MTA3: variants seen among roughly 807,000 people sequenced by gnomAD.
MTA3 encodes metastasis associated 1 family member 3, also known as metastasis-associated protein MTA3.
A neutral mutation model predicts 83.5 loss-of-function variants in MTA3; 34 were observed. That is an observed-to-expected ratio of 0.41 (90% confidence interval 0.31 to 0.54). The LOEUF (loss-of-function observed/expected upper bound fraction) is 0.54. MTA3 is among the 20% of genes least tolerant of loss of function. MTA3 has a pLI of 0.33. For missense variants in MTA3, 761 were observed against 726.4 expected (o/e 1.05, Z -0.55); for synonymous variants, 303 against 252.7 (o/e 1.20, Z -1.89).
At chr2:42,676,236 T>C (rs1691343261) in intron 8 of MTA3, among the ~76,000 whole-genome samples, 1 of 152,352 alleles carries the variant, frequency 6.6e-6, no homozygotes, top group Admixed American at 6.5e-5. Flanking sequence ...ACAATGAATA[T>C]AATCATTTTT....
At chr2:42,722,634 T>C (rs966155591) in intron 15 of MTA3, among the ~76,000 whole-genome samples, 4 of 152,054 alleles carry the variant, frequency 2.6e-5, no homozygotes, top group African/African-American at 9.7e-5. Flanking sequence ...TGAAGTGGCT[T>C]TTTGTTTTGT....
chr2:42,621,488 C>T (rs1334294175), intron 4 of MTA3, among the ~76,000 whole-genome samples: 1 of 152,220 alleles, frequency 6.6e-6, no homozygotes, highest in Non-Finnish European at 1.5e-5. Context: ...CAGAACAATT[C>T]TTCTTAGTAC....
intron 2 of MTA3, among the ~76,000 whole-genome samples, chr2:42,500,483 G>A (rs1407733526): frequency 6.6e-6 from 1 of 152,004 alleles, no homozygotes; most frequent in Non-Finnish European, 1.5e-5. Context: ...GCTTAAACCT[G>A]GGAGGTGGAT....
intron 16 of MTA3, among the ~76,000 whole-genome samples, chr2:42,731,611 A>G (rs1262175439): frequency 3.3e-5 from 5 of 152,100 alleles, no homozygotes; most frequent in South Asian, 2.1e-4. Flanking sequence ...CCCACAACAC[A>G]TGGGAATTCT....
intron 3 of MTA3, among the ~76,000 whole-genome samples, chr2:42,600,505 T>C (rs939482711): frequency 6.6e-6 from 1 of 151,800 alleles, no homozygotes; most frequent in East Asian, 1.9e-4. Context: ...TTATTAATTT[T>C]TTTTTTTTTT....
chr2:42,548,815 A>ATATATATATATAT (rs1676886652), intron 2 of MTA3, among the ~76,000 whole-genome samples: 4 of 40,736 alleles, frequency 9.8e-5, no homozygotes, highest in Admixed American at 8.5e-4. Flanking sequence ...AAAAAAATAT[A>ATATATATATATAT]TATATATATA....
At chr2:42,657,066 A>G (rs904534162) in intron 7 of MTA3, among the ~76,000 whole-genome samples, 2 of 152,202 alleles carry the variant, frequency 1.3e-5, no homozygotes, top group Non-Finnish European at 2.9e-5. Flanking sequence ...ATGGGTATAT[A>G]TAGTATATAT....
chr2:42,685,845 C>T (rs1692323185), intron 9 of MTA3, among the ~76,000 whole-genome samples: 1 of 151,348 alleles, frequency 6.6e-6, no homozygotes. Flanking sequence ...ATTATCATCC[C>T]CTCTTTCCCT....
Position 42,756,637 on chromosome 2 carries a change from G to C in MTA3, c.*3238G>C, listed in dbSNP as rs1261512155. On this transcript the variant is annotated 3_prime_UTR_variant, in exon 17 of 17. Transcript: ENST00000405094. ...AGGAAACGGCTTTGGGGAGGGAGGGGGAAGCCTTTATTCTTTACTGTTGTC... is the reference window on the plus strand; with the variant it reads ...AGGAAACGGCTTTGGGGAGGGAGGGCGAAGCCTTTATTCTTTACTGTTGTC... The C allele has an allele frequency of 1.0e-6, 1 of 985,382 alleles. No homozygotes were observed. Among genetic ancestry groups the C allele is most frequent in the Non-Finnish European group, 1.2e-6 (1 of 829,990 alleles). 61.0% of individuals were successfully genotyped at this position (985,382 alleles called of 1,614,324 possible).
At chr2:42,687,569 A>T (rs1006010389) in intron 9 of MTA3, among the ~76,000 whole-genome samples, 7 of 152,204 alleles carry the variant, frequency 4.6e-5, no homozygotes, top group African/African-American at 1.7e-4. Flanking sequence ...CTTGGGAAAT[A>T]TGAGCCGTGG....
At chr2:42,675,059 A>T (rs1288133083) in intron 8 of MTA3, among the ~76,000 whole-genome samples, 1 of 151,998 alleles carries the variant, frequency 6.6e-6, no homozygotes, top group African/African-American at 2.4e-5. Flanking sequence ...AAGCTCTGGG[A>T]TTACATGCCT....
At chr2:42,646,465 G>A (rs2104324159) in intron 6 of MTA3, among the ~76,000 whole-genome samples, 1 of 152,326 alleles carries the variant, frequency 6.6e-6, no homozygotes, top group Middle Eastern at 3.4e-3. Context: ...CTAGATGCCA[G>A]TAACAACAAC....
chr2:42,715,406 CTTTTTTTTTTT>C (rs35673744), intron 14 of MTA3, among the ~76,000 whole-genome samples: 3 of 104,170 alleles, frequency 2.9e-5, no homozygotes, highest in East Asian at 5.2e-4. Context: ...CCACCAACTA[CTTTTTTTTTTT>C]TTTTTTTTTT....
In MTA3 at chr2:42,585,664, G is replaced by A. The variant is rs1016317404; in HGVS notation, c.190+6464G>A. ...TAATTTTTGTATTTTTATAGAGACC[G>A]GGTTTCACCGTGTTGGCCAGGATGG... On this transcript the variant is annotated intron_variant, in intron 3 of 16. Transcript: ENST00000405094. 2.6e-4 allele frequency among the ~76,000 whole-genome samples: 39 copies of A among 151,612 alleles called. 1 individual carries two copies. Among genetic ancestry groups the A allele is most frequent in the Admixed American group, 1.1e-3 (16 of 15,228 alleles).
chr2:42,503,477 C>G (rs1425873799), intron 2 of MTA3, among the ~76,000 whole-genome samples: 1 of 152,174 alleles, frequency 6.6e-6, no homozygotes, highest in Non-Finnish European at 1.5e-5. Flanking sequence ...ATGCAGCCCA[C>G]TAGATCTCAG....
rs1168010480 is a variant in MTA3, at chr2:42,605,185, C to T, written c.191-4273C>T. On this transcript the variant is annotated intron_variant, in intron 3 of 16. Coordinates refer to ENST00000405094, the MANE Select transcript of MTA3 (RefSeq NM_001330442.2). Reference sequence around the variant, plus strand: ...CCGGGCAGAGGCGCCCCTCACCTCCCGGACGGGGCGGCTGGCCGGGCGGGG... The same window carrying T: ...CCGGGCAGAGGCGCCCCTCACCTCCTGGACGGGGCGGCTGGCCGGGCGGGG... Among the ~76,000 whole-genome samples, 7 of 144,990 alleles carry T rather than the reference C, an allele frequency of 4.8e-5. No individual in the cohort carries two copies. In the East Asian group the frequency reaches 6.6e-4, roughly 14 times the overall value.
intron 6 of MTA3, among the ~76,000 whole-genome samples, chr2:42,655,872 A>G (rs1296410838): frequency 6.6e-6 from 1 of 152,158 alleles, no homozygotes; most frequent in East Asian, 1.9e-4. Context: ...CAAAGTGCCG[A>G]GATTACAGGT....
At chr2:42,494,377 G>A (rs1368173418), upstream of MTA3, among the ~76,000 whole-genome samples, 1 of 152,182 alleles carries the variant, frequency 6.6e-6, no homozygotes, top group African/African-American at 2.4e-5. Context: ...TCGGGTGCGG[G>A]GACAGACGGC....
chr2:42,577,597 C>T (rs1222926657), intron 2 of MTA3, among the ~76,000 whole-genome samples: 3 of 151,838 alleles, frequency 2.0e-5, no homozygotes, highest in Non-Finnish European at 4.4e-5. Context: ...TCTCCTGCCT[C>T]AGCCTCCCGA....
Sources: allele counts gnomAD v4.1 joint callset (sites outside exome capture counted in the v4.1 genomes callset), GRCh38; gene constraint gnomAD v4.1.1; transcripts MANE v1.5; gene names NCBI Gene and HGNC (gene_info 2026-07-23, HGNC 2026-07-21).